The following SLCO5A1 variants were observed in gnomAD, a reference collection of about 807,000 sequenced individuals.
The protein encoded by SLCO5A1 is solute carrier organic anion transporter family member 5A1.
In SLCO5A1, 39 loss-of-function variants were observed where a neutral mutation model predicts 65.1. That is an observed-to-expected ratio of 0.60 (90% confidence interval 0.46 to 0.78). The LOEUF (loss-of-function observed/expected upper bound fraction) is 0.78, where lower values mean the gene tolerates loss of function less well. Ranked by LOEUF, SLCO5A1 falls within the 30% of genes least tolerant of loss-of-function variation. The probability of loss-of-function intolerance (pLI) is 0.00; values close to 1 mark genes in which losing one functional copy is unlikely to be tolerated. For missense variants in SLCO5A1, 1,029 were observed against 1,069.4 expected, an observed-to-expected ratio of 0.96 and a Z score of 0.53; for synonymous variants, 438 against 415.7, an observed-to-expected ratio of 1.05 and a Z score of -0.65.
intron 5 of SLCO5A1, among the ~76,000 whole-genome samples, chr8:69,735,585 G>A (rs1037041949): frequency 2.0e-5 from 3 of 152,038 alleles, no homozygotes; most frequent in Non-Finnish European, 2.9e-5. Context: ...AACCAAACTC[G>A]CATGTTCTCA....
At chr8:69,731,421 T>C (rs1011759676) in intron 5 of SLCO5A1, among the ~76,000 whole-genome samples, 2 of 152,268 alleles carry the variant, frequency 1.3e-5, no homozygotes, top group Admixed American at 6.5e-5. Flanking sequence ...GAAATGCCAA[T>C]GTGTTTCTTA....
chr8:69,803,164 C>T (rs948189112), intron 2 of SLCO5A1, among the ~76,000 whole-genome samples: 9 of 152,126 alleles, frequency 5.9e-5, no homozygotes, highest in East Asian at 1.9e-4. Context: ...ACCTGTAATC[C>T]CAGCACTTTG....
intron 2 of SLCO5A1, among the ~76,000 whole-genome samples, chr8:69,786,038 A>T (rs1819031115): frequency 6.6e-6 from 1 of 152,234 alleles, no homozygotes; most frequent in Non-Finnish European, 1.5e-5. Context: ...TTCTGGAGTA[A>T]TCTCATCAGT....
intron 9 of SLCO5A1, among the ~76,000 whole-genome samples, chr8:69,675,289 C>G (rs1254588047): frequency 6.6e-6 from 1 of 151,558 alleles, no homozygotes; most frequent in Non-Finnish European, 1.5e-5. Flanking sequence ...ATTCCCCTGC[C>G]TTAGCCTCCT....
In SLCO5A1 at chr8:69,671,763, C is replaced by T. The variant is rs1286129799; in HGVS notation, c.*1106G>A. The T allele has an allele frequency of 6.6e-6, 1 of 152,196 alleles. No homozygotes were observed. Among genetic ancestry groups the T allele is most frequent in the Non-Finnish European group, 1.5e-5 (1 of 68,030 alleles). The allele number at this position is 152,196 out of a possible 1,614,324, so 9.4% of individuals were successfully genotyped here. A position where few individuals can be genotyped will look rare whatever the true frequency, so the allele number is the denominator to read the frequency against. ...ATAATTTTCAACAATTACTTAAGAT[C>T]ATATTCTGTTCCAGAACACAGATCT... On this transcript the variant is annotated 3_prime_UTR_variant, in exon 10 of 10. Coordinates refer to ENST00000260126, the MANE Select transcript of SLCO5A1 (RefSeq NM_030958.3).
rs985408492 is a variant in SLCO5A1 at position 69,803,057 on chromosome 8, A to G, written c.907+28710T>C. 3.3e-5 allele frequency among the ~76,000 whole-genome samples: 5 copies of G among 152,346 alleles called. No individual in the cohort carries two copies. The East Asian group carries it at 9.6e-4, about 29-fold the overall frequency. On this transcript the variant is annotated intron_variant, in intron 2 of 9. Transcript: ENST00000260126. The stretch of plus-strand genomic sequence containing the variant: ...ACATACAGTATTATTGGCTGGGCGC[A>G]GTGTCTCAAAGCTGTAATCCCAGAT...
chr8:69,691,299 C>T lies in SLCO5A1; in HGVS notation c.1623-8956G>A, dbSNP rs1163854579. The stretch of plus-strand genomic sequence containing the variant: ...CTCTCACGATCTTTCAAAATGAAAA[C>T]TCATCAGATTTTTAAGTCTGAAGTT... On this transcript the variant is annotated intron_variant, in intron 6 of 9. Transcript: ENST00000260126. Among the ~76,000 whole-genome samples the T allele has an allele frequency of 2.0e-5, 3 of 152,152 alleles. No homozygotes were observed. The East Asian group carries it at 5.8e-4, about 29-fold the overall frequency.
chr8:69,756,638 G>A (rs1306093433), intron 3 of SLCO5A1, among the ~76,000 whole-genome samples: 1 of 152,166 alleles, frequency 6.6e-6, no homozygotes, highest in Admixed American at 6.5e-5. Context: ...ATTCAGAGAG[G>A]GGAAATTAAT....
chr8:69,762,126 CTTTCTTTCTTTCTTTCTTTCTTT>C (rs1563708032), intron 2 of SLCO5A1, among the ~76,000 whole-genome samples: 1 of 7,968 alleles, frequency 1.3e-4, no homozygotes, highest in African/African-American at 5.9e-4. Flanking sequence ...TGTTTTCTTT[CTTTCTTTCTTTCTTTCTTTCTTT>C]CTTTCTTTCT....
chr8:69,807,313 G>A (rs537457843), intron 2 of SLCO5A1, among the ~76,000 whole-genome samples: 49 of 152,178 alleles, frequency 3.2e-4, no homozygotes, highest in African/African-American at 1.1e-3. Context: ...AGGATAATTC[G>A]CATACCTATT....
chr8:69,682,989 T>A (rs1249928453), intron 6 of SLCO5A1, among the ~76,000 whole-genome samples: 1 of 152,208 alleles, frequency 6.6e-6, no homozygotes, highest in Non-Finnish European at 1.5e-5. Flanking sequence ...ATTGCCCCGG[T>A]GTGGATCCAC....
intron 5 of SLCO5A1, among the ~76,000 whole-genome samples, chr8:69,730,878 TCTATG>T (rs1816306717): frequency 6.6e-6 from 1 of 152,136 alleles, no homozygotes; most frequent in African/African-American, 2.4e-5. Context: ...ATAGCAGGAA[TCTATG>T]GGGCCAAGAA....
chr8:69,681,650 A>C (rs1813776864), intron 7 of SLCO5A1, among the ~76,000 whole-genome samples: 1 of 152,200 alleles, frequency 6.6e-6, no homozygotes, highest in Non-Finnish European at 1.5e-5. Context: ...CAGCCCATTT[A>C]TAATTTACAG....
Position 69,788,208 on chromosome 8 carries a change from C to A in SLCO5A1, c.908-26333G>T, listed in dbSNP as rs577824203. Among the ~76,000 whole-genome samples, 9 of 152,236 alleles carry A rather than the reference C, an allele frequency of 5.9e-5. No individual in the cohort carries two copies. The South Asian group carries it at 6.2e-4, about 11-fold the overall frequency. On this transcript the variant is annotated intron_variant, in intron 2 of 9. Coordinates refer to ENST00000260126, the MANE Select transcript of SLCO5A1 (RefSeq NM_030958.3). ...CACTAACAATTACCCCATTAAGGAG[C>A]TTTGCTTCCTTTTGTGAAGTATGCT...
chr8:69,753,314 T>C (rs2130857039), intron 4 of SLCO5A1, among the ~76,000 whole-genome samples: 1 of 152,280 alleles, frequency 6.6e-6, no homozygotes, highest in African/African-American at 2.4e-5. Context: ...TTAAGACTTC[T>C]CTGGGGCATG....
intron 2 of SLCO5A1, among the ~76,000 whole-genome samples, chr8:69,781,223 T>C (rs1397694122): frequency 6.6e-6 from 1 of 152,194 alleles, no homozygotes; most frequent in Non-Finnish European, 1.5e-5. Flanking sequence ...ATGATTTCCA[T>C]TGGAAAGATC....
At chr8:69,771,633 G>A (rs1190628154) in intron 2 of SLCO5A1, among the ~76,000 whole-genome samples, 4 of 151,970 alleles carry the variant, frequency 2.6e-5, no homozygotes, top group Admixed American at 6.5e-5. Context: ...TTTGGTGATC[G>A]CTCATGAGAA....
Position 69,832,504 on chromosome 8 carries a change from G to A in SLCO5A1, c.170C>T (p.Ala57Val). ...ATCCACACAGCCAAAGGCCGGGTTG[G>A]CGTCTCCACTAGTGGGACTGAGGCT... ...RPSLSPTSGD[A>V]NPAFGCVDSS... is the part of the protein sequence containing the mutation. Residue 57 changes from alanine (A) to valine (V), a missense_variant, in exon 2 of 10, where the codon GCC (alanine) becomes GTC (valine). By Grantham distance (64) the Ala-to-Val change is moderately conservative. Around this residue, in one of 3 missense-constraint regions of SLCO5A1, gnomAD observed 647 missense variants for 647.5 expected, o/e 1.00. Transcript: ENST00000260126. This position sits in a 1 kb window ranked among gnomAD's most constrained non-coding sequence, Gnocchi z 4.5. 4 of 1,610,036 alleles carry A rather than the reference G, an allele frequency of 2.5e-6. No homozygotes were observed. The highest frequency in any genetic ancestry group is 3.4e-6 in the Non-Finnish European group (4 of 1,178,428).
intron 2 of SLCO5A1, among the ~76,000 whole-genome samples, chr8:69,810,245 T>C (rs1258925784): frequency 6.6e-6 from 1 of 152,018 alleles, no homozygotes; most frequent in African/African-American, 2.4e-5. Flanking sequence ...TCCAAGGAAA[T>C]AGTGCACTAG....
Sources: gnomAD v4.1 joint callset for allele counts (sites outside exome capture counted in the v4.1 genomes callset) on GRCh38, gnomAD v4.1.1 for gene constraint, gnomAD v4.1.1 regional missense constraint, Gnocchi (gnomAD v3.1) non-coding constraint, MANE v1.5 for transcripts, NCBI Gene and HGNC (gene_info 2026-07-23, HGNC 2026-07-21) for gene names.